The following SYTL5 variants were observed in gnomAD, a reference collection of about 807,000 sequenced individuals.
SYTL5 encodes the protein synaptotagmin like 5, also known as synaptotagmin-like protein 5.
A neutral mutation model predicts 55.9 loss-of-function variants in SYTL5; 34 were observed. The ratio of observed to expected loss-of-function variants is 0.61; its 90% confidence interval spans 0.46 to 0.81. The LOEUF (loss-of-function observed/expected upper bound fraction) is 0.81. SYTL5 is among the 30% of genes least tolerant of loss of function. The pLI is 0.00. For synonymous variants in SYTL5, 221 were observed against 188.7 expected, an observed-to-expected ratio of 1.17 and a Z score of -1.40; for missense variants, 637 against 546.7, an observed-to-expected ratio of 1.17 and a Z score of -1.65.
the SYTL5 span, among the ~76,000 whole-genome samples, chrX:37,986,731 A>G: frequency 4.0e-3 from 450 of 111,991 alleles, 1 homozygote; most frequent in Non-Finnish European, 7.0e-3. Context: ...ATAGTGATTC[A>G]TATAGTACAC....
rs771913008 is a variant in SYTL5, at chrX:38,102,411, C to T, written c.1132C>T (p.Arg378Cys). ...CTCGCAGTTATCTACAAACACTCAC[C>T]GTCTGGCAAGTGGCCTATCAACTGT... ...VSSQLSTNTHRLASGLSTTSL... is the reference protein window; with the variant it reads ...VSSQLSTNTHCLASGLSTTSL... The change falls in exon 10 of 17, where the codon CGT (arginine) becomes TGT (cysteine). Residue 378 changes from arginine (R) to cysteine (C), a missense_variant. Coordinates refer to ENST00000297875, the MANE Select transcript of SYTL5 (RefSeq NM_138780.3). The T allele has an allele frequency of 4.8e-5, 58 of 1,203,960 alleles. No individual in the cohort carries two copies. The highest frequency in any genetic ancestry group is 6.3e-5 in the Non-Finnish European group (56 of 889,978).
chrX:38,053,828 A>ACTTTG (rs1892443436), intron 2 of SYTL5, among the ~76,000 whole-genome samples: 1 of 112,276 alleles, frequency 8.9e-6, no homozygotes, highest in Admixed American at 9.4e-5. Context: ...GAGAATAAAT[A>ACTTTG]CTAATAGCAA....
chrX:38,036,978 T>C (rs1346830043), intron 2 of SYTL5, among the ~76,000 whole-genome samples: 1 of 111,957 alleles, frequency 8.9e-6, no homozygotes, highest in East Asian at 2.8e-4. Context: ...GATTTGCTAG[T>C]TGCAGTAGAC....
the SYTL5 span, among the ~76,000 whole-genome samples, chrX:37,989,992 C>A: frequency 2.7e-5 from 3 of 110,852 alleles, no homozygotes; most frequent in East Asian, 8.5e-4. Flanking sequence ...CTGGCCTCAG[C>A]CTCCCAAGTA....
intron 3 of SYTL5, among the ~76,000 whole-genome samples, chrX:38,057,334 C>T (rs964440993): frequency 1.8e-5 from 2 of 111,369 alleles, no homozygotes; most frequent in African/African-American, 6.5e-5. Flanking sequence ...TCGGTTCCAT[C>T]GGTCTTTGAA....
intron 12 of SYTL5, among the ~76,000 whole-genome samples, chrX:38,109,298 T>A (rs1214897280): frequency 9.0e-6 from 1 of 111,723 alleles, no homozygotes; most frequent in African/African-American, 3.3e-5. Context: ...CCCCTTCTCT[T>A]GCTATGGAAC....
chrX:37,961,270 T>C, the SYTL5 span, among the ~76,000 whole-genome samples: 1 of 111,858 alleles, frequency 8.9e-6, no homozygotes, highest in Non-Finnish European at 1.9e-5. Context: ...ATTTAGTTCA[T>C]GGTTCTGGAG....
At chrX:38,050,776 G>A (rs1225135763) in intron 2 of SYTL5, among the ~76,000 whole-genome samples, 1 of 111,968 alleles carries the variant, frequency 8.9e-6, no homozygotes, top group East Asian at 2.8e-4. Context: ...AGGATGTCTG[G>A]GGACTCTACT....
At chrX:38,007,037 G>T (rs5964279) in intron 1 of SYTL5, among the ~76,000 whole-genome samples, 39,123 of 110,106 alleles carry the variant, frequency 0.36, 5,146 homozygotes, top group Middle Eastern at 0.45. Flanking sequence ...GCATCATTTT[G>T]CTATAAATCT....
the SYTL5 span, among the ~76,000 whole-genome samples, chrX:37,933,156 G>A: frequency 3.6e-5 from 4 of 111,577 alleles, no homozygotes; most frequent in Non-Finnish European, 7.5e-5. Context: ...AAATGGCAGA[G>A]TAAGGACCTC....
At chrX:38,073,432 A>T (rs1936315176) in intron 4 of SYTL5, among the ~76,000 whole-genome samples, 158 bp from the exon 5 acceptor site, 1 of 112,165 alleles carries the variant, frequency 8.9e-6, no homozygotes, top group Non-Finnish European at 1.9e-5. Context: ...ATTAGAACTA[A>T]CTGTGTGACA....
intron 6 of SYTL5, among the ~76,000 whole-genome samples, chrX:38,088,241 G>A (rs905704574): frequency 4.5e-5 from 5 of 111,689 alleles, no homozygotes; most frequent in Non-Finnish European, 9.4e-5. Context: ...GTAATGATAT[G>A]TGCACATTTA....
chrX:37,995,557 T>A, the SYTL5 span, among the ~76,000 whole-genome samples: 5 of 112,041 alleles, frequency 4.5e-5, no homozygotes, highest in African/African-American at 1.6e-4. Context: ...ATGGTCACTT[T>A]CTCCTCTGTG....
At chrX:37,959,912 C>T in the SYTL5 span, among the ~76,000 whole-genome samples, 1 of 111,696 alleles carries the variant, frequency 9.0e-6, no homozygotes, top group Non-Finnish European at 1.9e-5. Flanking sequence ...AGGATGTTCC[C>T]ACAGCTCTTA....
chrX:38,103,590 A>C (rs1158550912), intron 10 of SYTL5, among the ~76,000 whole-genome samples: 1 of 110,649 alleles, frequency 9.0e-6, no homozygotes, highest in Non-Finnish European at 1.9e-5. Flanking sequence ...TAGTCCTCAG[A>C]CTAGAAACTT....
the SYTL5 span, among the ~76,000 whole-genome samples, chrX:37,924,909 T>A: frequency 9.0e-6 from 1 of 111,565 alleles, no homozygotes; most frequent in African/African-American, 3.3e-5. Context: ...TGTTTTGAAA[T>A]ACATAATAAA....
At position 38,110,449 on chromosome X, in the gene SYTL5, T is replaced by A; in HGVS notation, c.1563T>A (p.Asn521Lys). Residue 521 changes from asparagine to lysine, a missense_variant, in exon 13 of 17, where the codon AAT (asparagine) becomes AAA (lysine). Physicochemically the swap from Asn to Lys is moderately conservative, Grantham distance 94. Coordinates refer to ENST00000297875, the MANE Select transcript of SYTL5 (RefSeq NM_138780.3). Reference sequence around the variant, plus strand: ...CTTTTGACTCATGGAACTTTGAAAATCCAACTGATGAGTGGTTTGTGCTTC... The same window carrying A: ...CTTTTGACTCATGGAACTTTGAAAAACCAACTGATGAGTGGTTTGTGCTTC... ...EIPFDSWNFE[N>K]PTDEWFVLQP... 8.3e-7 allele frequency: 1 copy of A among 1,207,240 alleles called. No homozygotes were observed. Among genetic ancestry groups the A allele is most frequent in the East Asian group, 3.0e-5 (1 of 33,710 alleles).
At chrX:37,937,184 A>G in the SYTL5 span, among the ~76,000 whole-genome samples, 2 of 111,104 alleles carry the variant, frequency 1.8e-5, no homozygotes, top group African/African-American at 6.5e-5. Flanking sequence ...CTTGACTCAT[A>G]CATTGAGTCT....
At chrX:38,055,572 T>C (rs1476531733) in intron 3 of SYTL5, among the ~76,000 whole-genome samples, 1 of 112,070 alleles carries the variant, frequency 8.9e-6, no homozygotes, top group Middle Eastern at 4.2e-3. Context: ...GTTTTTGTTT[T>C]GTTTTTTGCC....
Sources: gnomAD v4.1 joint callset for allele counts (sites outside exome capture counted in the v4.1 genomes callset) on GRCh38, gnomAD v4.1.1 for gene constraint, MANE v1.5 for transcripts, NCBI Gene and HGNC (gene_info 2026-07-23, HGNC 2026-07-21) for gene names.